RBMS3: variants seen among roughly 807,000 people sequenced by gnomAD.
RBMS3 encodes RNA binding motif single stranded interacting protein 3.
RBMS3 carries 27 observed loss-of-function variants against 66.8 expected under a neutral mutation model. That is an observed-to-expected ratio of 0.40 (90% CI 0.30 to 0.56). The LOEUF is 0.56. Among genes scored for constraint, RBMS3 ranks in the 20% least tolerant of loss-of-function variants. The pLI is 0.40. For missense variants in RBMS3, 513 were observed against 549.5 expected, an observed-to-expected ratio of 0.93 and a Z score of 0.66; for synonymous variants, 188 against 183.0, an observed-to-expected ratio of 1.03 and a Z score of -0.22.
chr3:29,634,807 T>C (rs2049416333), intron 4 of RBMS3, among the ~76,000 whole-genome samples: 1 of 151,774 alleles, frequency 6.6e-6, no homozygotes, highest in African/African-American at 2.4e-5. Context: ...GAAAAACAGG[T>C]TCTTCCAAAG....
intron 6 of RBMS3, among the ~76,000 whole-genome samples, chr3:29,829,738 A>C (rs1239756283): frequency 6.6e-6 from 1 of 152,150 alleles, no homozygotes; most frequent in Non-Finnish European, 1.5e-5. Flanking sequence ...CACATTCCCT[A>C]TTTCAATGTC....
At chr3:29,705,892 A>G (rs950929832) in intron 4 of RBMS3, among the ~76,000 whole-genome samples, 7 of 152,238 alleles carry the variant, frequency 4.6e-5, no homozygotes, top group Non-Finnish European at 1.0e-4. Context: ...TGGTAATATC[A>G]GGTTTGTTTA....
intron 12 of RBMS3, among the ~76,000 whole-genome samples, chr3:29,966,073 G>C (rs963348344): frequency 1.3e-5 from 2 of 152,110 alleles, no homozygotes; most frequent in African/African-American, 2.4e-5. Flanking sequence ...TCTCTATTCT[G>C]TTCCATTGGT....
At chr3:29,819,265 G>C (rs1373645841) in intron 6 of RBMS3, among the ~76,000 whole-genome samples, 4 of 152,146 alleles carry the variant, frequency 2.6e-5, no homozygotes, top group African/African-American at 7.2e-5. Flanking sequence ...GGGCCAACTA[G>C]TAAATATTTT....
chr3:30,003,725 A>T, intron 14 of RBMS3, 131 bp from the exon 15 acceptor site: 1 of 544,426 alleles, frequency 1.8e-6, no homozygotes, highest in Non-Finnish European at 3.0e-6. Context: ...GTATGATTTT[A>T]TGATGCTTTT....
chr3:29,863,223 G>A (rs116777115), intron 6 of RBMS3, among the ~76,000 whole-genome samples: 21 of 150,858 alleles, frequency 1.4e-4, no homozygotes, highest in Non-Finnish European at 2.5e-4. Flanking sequence ...GTTGTGGGGT[G>A]GGGGGAGAGG....
intron 1 of RBMS3, among the ~76,000 whole-genome samples, chr3:29,378,194 C>T (rs1313717075): frequency 5.9e-5 from 9 of 152,046 alleles, no homozygotes; most frequent in African/African-American, 1.4e-4. Context: ...TATTTCAGGC[C>T]GGGCACGGTG....
At chr3:29,762,796 T>G in intron 5 of RBMS3, 114 bp from the exon 6 acceptor site, 1 of 724,562 alleles carries the variant, frequency 1.4e-6, no homozygotes, top group Non-Finnish European at 2.4e-6. Flanking sequence ...AAGTTGGCAA[T>G]TAGGGTACAA....
At chr3:29,358,105 C>T (rs772929635) in intron 1 of RBMS3, among the ~76,000 whole-genome samples, 5 of 152,130 alleles carry the variant, frequency 3.3e-5, no homozygotes, top group East Asian at 1.9e-4. Context: ...GTGTTTTAGA[C>T]GTGAAGTCCT....
chr3:29,696,622 T>G (rs1325958580), intron 4 of RBMS3, among the ~76,000 whole-genome samples: 1 of 152,182 alleles, frequency 6.6e-6, no homozygotes, highest in Non-Finnish European at 1.5e-5. Context: ...AGTTAGATAT[T>G]TATAAAATTG....
intron 1 of RBMS3, among the ~76,000 whole-genome samples, chr3:29,418,648 T>C (rs1334719931): frequency 6.6e-6 from 1 of 152,154 alleles, no homozygotes; most frequent in Non-Finnish European, 1.5e-5. Context: ...TGATGTAGTG[T>C]ATACTTTGAG....
chr3:29,832,532 CT>C (rs140874877), intron 6 of RBMS3, among the ~76,000 whole-genome samples: 13,874 of 152,124 alleles, frequency 0.091, 660 homozygotes, highest in East Asian at 0.16. Flanking sequence ...CATGTCACCC[CT>C]TTACCGGGCA....
intron 4 of RBMS3, among the ~76,000 whole-genome samples, chr3:29,636,960 A>T (rs1396063960): frequency 6.6e-6 from 1 of 151,884 alleles, no homozygotes; most frequent in South Asian, 2.1e-4. Context: ...ATCAGGCAAC[A>T]TATCATGTAT....
At chr3:29,451,534 A>G (rs1475288287) in intron 2 of RBMS3, among the ~76,000 whole-genome samples, 2 of 152,148 alleles carry the variant, frequency 1.3e-5, no homozygotes, top group African/African-American at 2.4e-5. Flanking sequence ...ATTACCTACA[A>G]TATCCTCAGC....
At chr3:29,818,555 A>C (rs1040948838) in intron 6 of RBMS3, among the ~76,000 whole-genome samples, 2 of 152,108 alleles carry the variant, frequency 1.3e-5, no homozygotes, top group Non-Finnish European at 2.9e-5. Flanking sequence ...CTTTAAACAC[A>C]AATGTTGTGA....
rs193132422 is a variant in RBMS3 at position 29,699,565 on chromosome 3, A to T, written c.400-40155A>T. ...CAGCTTTTGTTCTGTTTGCACATAC[A>T]ACTCTAAAAGCGTAGGAAATTAGGA... On this transcript the variant is annotated intron_variant, in intron 4 of 14. Coordinates refer to ENST00000383767, the MANE Select transcript of RBMS3 (RefSeq NM_001003793.3). 6.9e-4 allele frequency among the ~76,000 whole-genome samples: 105 copies of T among 152,302 alleles called. 1 individual carries two copies. The highest frequency in any genetic ancestry group is 2.9e-5 in the Non-Finnish European group (2 of 68,024).
intron 12 of RBMS3, among the ~76,000 whole-genome samples, chr3:29,964,753 CAGGTGGT>C (rs1304741318): frequency 2.0e-5 from 3 of 151,968 alleles, no homozygotes; most frequent in Admixed American, 6.6e-5. Context: ...TATTGGAGTA[CAGGTGGT>C]ATTTGGTTAC....
Position 29,952,271 on chromosome 3 carries a change from T to C in RBMS3, c.1098+8017T>C, listed in dbSNP as rs548150443. Among the ~76,000 whole-genome samples, 10 of 151,986 alleles carry C rather than the reference T, an allele frequency of 6.6e-5. No homozygotes were observed. In the East Asian group the frequency reaches 1.4e-3, roughly 21 times the overall value. Reference sequence around the variant, plus strand: ...ATATAGAATTGGCAGAATTTTTGAGTGATTCTATAACCTAAATTCATTAAA... The same window carrying C: ...ATATAGAATTGGCAGAATTTTTGAGCGATTCTATAACCTAAATTCATTAAA... On this transcript the variant is annotated intron_variant, in intron 12 of 14. Coordinates refer to ENST00000383767, the MANE Select transcript of RBMS3 (RefSeq NM_001003793.3).
intron 3 of RBMS3, among the ~76,000 whole-genome samples, chr3:29,524,750 C>A (rs983402640): frequency 2.0e-5 from 3 of 151,888 alleles, no homozygotes; most frequent in African/African-American, 7.3e-5. Context: ...AGCCTACATT[C>A]TGAAAAAATG....
Sources: allele counts gnomAD v4.1 joint callset (sites outside exome capture counted in the v4.1 genomes callset), GRCh38; gene constraint gnomAD v4.1.1; transcripts MANE v1.5; gene names NCBI Gene and HGNC (gene_info 2026-07-23, HGNC 2026-07-21).